Variants in ASTN2 observed in about 807,000 individuals in gnomAD.
ASTN2 encodes astrotactin 2.
In ASTN2, 54 loss-of-function variants were observed where a neutral mutation model predicts 139.8. The ratio of observed to expected loss-of-function variants is 0.39; its 90% CI spans 0.31 to 0.48. The LOEUF (loss-of-function observed/expected upper bound fraction) is 0.48, where lower values mean the gene tolerates loss of function less well. Among genes scored for constraint, ASTN2 ranks in the 20% least tolerant of loss-of-function variants. The pLI is 0.95. For synonymous variants in ASTN2, 756 were observed against 719.5 expected (o/e 1.05, Z -0.81); for missense variants, 1,565 against 1,725.1 (o/e 0.91, Z 1.64).
chr9:116,638,435 G>C (rs1341296582), intron 17 of ASTN2, among the ~76,000 whole-genome samples: 1 of 152,058 alleles, frequency 6.6e-6, no homozygotes, highest in Non-Finnish European at 1.5e-5. Context: ...GATGTGACCA[G>C]ATGAAAGACA....
intron 19 of ASTN2, among the ~76,000 whole-genome samples, chr9:116,538,631 C>T (rs1427432133): frequency 6.6e-6 from 1 of 152,118 alleles, no homozygotes; most frequent in African/African-American, 2.4e-5. Flanking sequence ...TCATGTTGAT[C>T]TAAGGAAAAG....
chr9:117,287,191 C>T (rs781605480), intron 2 of ASTN2, among the ~76,000 whole-genome samples: 23 of 151,786 alleles, frequency 1.5e-4, no homozygotes, highest in Non-Finnish European at 2.5e-4. Flanking sequence ...GATCTCATTC[C>T]GTGCCTAGAA....
intron 5 of ASTN2, among the ~76,000 whole-genome samples, chr9:117,083,334 G>T (rs1005310721): frequency 1.3e-5 from 2 of 152,166 alleles, no homozygotes; most frequent in Non-Finnish European, 2.9e-5. Context: ...AATAACGCAT[G>T]ACACTATTTA....
intron 10 of ASTN2, among the ~76,000 whole-genome samples, chr9:116,865,493 A>C (rs1410670552): frequency 6.7e-6 from 1 of 150,312 alleles, no homozygotes; most frequent in Non-Finnish European, 1.5e-5. Context: ...AAAGAGAGAG[A>C]CTGATCTACA....
chr9:117,381,414 T>A (rs1338338465), intron 1 of ASTN2, among the ~76,000 whole-genome samples: 1 of 152,134 alleles, frequency 6.6e-6, no homozygotes, highest in Non-Finnish European at 1.5e-5. Context: ...TGGGGCCTGG[T>A]GGGAGGTCAC....
At chr9:116,757,469 A>C (rs1222926290) in intron 13 of ASTN2, among the ~76,000 whole-genome samples, 1 of 152,096 alleles carries the variant, frequency 6.6e-6, no homozygotes, top group Non-Finnish European at 1.5e-5. Context: ...AGTTTGAGAA[A>C]TGAAGGATAG....
chr9:116,788,163 G>A (rs1830428268), intron 13 of ASTN2, among the ~76,000 whole-genome samples: 1 of 152,092 alleles, frequency 6.6e-6, no homozygotes, highest in Non-Finnish European at 1.5e-5. Flanking sequence ...CAGGGGGTGG[G>A]AAGAAGATGA....
intron 10 of ASTN2, among the ~76,000 whole-genome samples, chr9:116,917,707 G>A (rs930611627): frequency 2.0e-5 from 3 of 152,284 alleles, no homozygotes; most frequent in African/African-American, 7.2e-5. Flanking sequence ...GGAATGGAAA[G>A]GTGAAGTAGC....
At position 116,732,189 on chromosome 9, in the gene ASTN2, C is replaced by G. The variant is rs955098915; in HGVS notation, c.2521+1210G>C. 5.7e-4 allele frequency among the ~76,000 whole-genome samples: 87 copies of G among 152,274 alleles called. 1 individual carries two copies. Among genetic ancestry groups the G allele is most frequent in the African/African-American group, 2.0e-3 (82 of 41,566 alleles). On this transcript the variant is annotated intron_variant, in intron 14 of 22. Transcript: ENST00000313400. ...GAGTCAAGACCGACTTTGTTTAAAT[C>G]TTGACATGACTATAGACTAGCCACG...
At chr9:117,233,365 C>A (rs73517209) in intron 2 of ASTN2, among the ~76,000 whole-genome samples, 3 of 152,184 alleles carry the variant, frequency 2.0e-5, no homozygotes, top group East Asian at 1.9e-4. Context: ...CTCAATACCC[C>A]CTTAGCCTGA....
chr9:116,713,961 T>A (rs1828242060), intron 16 of ASTN2, among the ~76,000 whole-genome samples: 1 of 152,118 alleles, frequency 6.6e-6, no homozygotes. Flanking sequence ...AGCAGATAAG[T>A]TTTCACATTA....
At chr9:116,590,961 C>G (rs1236371116) in intron 19 of ASTN2, among the ~76,000 whole-genome samples, 1 of 152,216 alleles carries the variant, frequency 6.6e-6, no homozygotes, top group African/African-American at 2.4e-5. Context: ...GAGGGCTGTT[C>G]TGTCACTCAA....
chr9:116,664,862 T>C (rs552098575), intron 16 of ASTN2, among the ~76,000 whole-genome samples: 1 of 152,264 alleles, frequency 6.6e-6, no homozygotes, highest in South Asian at 2.1e-4. Flanking sequence ...GTGATATAGC[T>C]TGGATGTTTG....
At chr9:117,134,313 C>T (rs1433043981) in intron 4 of ASTN2, among the ~76,000 whole-genome samples, 19 of 145,328 alleles carry the variant, frequency 1.3e-4, no homozygotes, top group African/African-American at 3.9e-4. Flanking sequence ...CACACACACA[C>T]ACACACACAC....
intron 17 of ASTN2, among the ~76,000 whole-genome samples, chr9:116,651,130 T>G (rs1857888649): frequency 6.6e-6 from 1 of 152,088 alleles, no homozygotes; most frequent in African/African-American, 2.4e-5. Flanking sequence ...TTGGCCAGGC[T>G]GCTCTCAAAC....
chr9:117,248,358 AAG>A (rs906458898), intron 2 of ASTN2, among the ~76,000 whole-genome samples: 51 of 152,324 alleles, frequency 3.3e-4, no homozygotes, highest in African/African-American at 1.2e-3. Context: ...ATCGAATAAA[AAG>A]AGGAGTGACA....
intron 5 of ASTN2, among the ~76,000 whole-genome samples, chr9:117,060,787 C>T (rs981476966): frequency 2.0e-5 from 3 of 151,230 alleles, no homozygotes; most frequent in Admixed American, 2.0e-4. Context: ...CCCAGCTACT[C>T]GGGAGGCTGA....
chr9:117,406,502 T>G (rs1357290398), intron 1 of ASTN2, among the ~76,000 whole-genome samples: 1 of 152,070 alleles, frequency 6.6e-6, no homozygotes, highest in Non-Finnish European at 1.5e-5. Flanking sequence ...CCACCACCAC[T>G]TGTTCACTGC....
rs192983518 is a variant in ASTN2, at chr9:116,596,450, A to C, written c.3355+21874T>G. On this transcript the variant is annotated intron_variant, in intron 19 of 22. Coordinates refer to ENST00000313400, the MANE Select transcript of ASTN2 (RefSeq NM_001365068.1). ...TGTTAAGTGTTCTTACCAAACACACACATGTACACACACACACACATAAAT... is the reference window on the plus strand; with the variant it reads ...TGTTAAGTGTTCTTACCAAACACACCCATGTACACACACACACACATAAAT... Among the ~76,000 whole-genome samples, 1,488 of 152,300 alleles carry C rather than the reference A, an allele frequency of 9.8e-3. 19 individuals are homozygous for C. Among genetic ancestry groups the C allele is most frequent in the African/African-American group, 0.03 (1,263 of 41,564 alleles).
Sources: gnomAD v4.1 joint callset for allele counts (sites outside exome capture counted in the v4.1 genomes callset) on GRCh38, gnomAD v4.1.1 for gene constraint, MANE v1.5 for transcripts, NCBI Gene and HGNC (gene_info 2026-07-23, HGNC 2026-07-21) for gene names.